Variants in LMBR1L observed in about 807,000 individuals in gnomAD.
LMBR1L encodes the protein limb development membrane protein 1 like, also known as protein LMBR1L.
A neutral mutation model predicts 67.3 loss-of-function variants in LMBR1L; 47 were observed. That is an observed-to-expected ratio of 0.70 (90% CI 0.55 to 0.89). The LOEUF (loss-of-function observed/expected upper bound fraction) is 0.89. Ranked by LOEUF, LMBR1L falls within the 40% of genes least tolerant of loss-of-function variation. LMBR1L has a pLI of 0.00. For missense variants in LMBR1L, 533 were observed against 599.2 expected, an observed-to-expected ratio of 0.89 and a Z score of 1.15; for synonymous variants, 247 against 250.3, an observed-to-expected ratio of 0.99 and a Z score of 0.13.
At position 49,098,060 on chromosome 12, in the gene LMBR1L, C is replaced by T. The variant is rs1939629785; in HGVS notation, c.1286G>A (p.Trp429Ter). Reference sequence around the variant, plus strand: ...GAACACAATGTAGAAATTGCCCAGCCAGTTGAAGCGTCCAAAGTCACCCAG... The same window carrying T: ...GAACACAATGTAGAAATTGCCCAGCTAGTTGAAGCGTCCAAAGTCACCCAG... ...DLLGDFGRFN[W>*]LGNFYIVFLY... The change falls in exon 16 of 17, where the codon TGG becomes TAG. Residue 429 changes from tryptophan to a stop codon, truncating the protein, a stop_gained. Transcript: ENST00000267102. LOFTEE classifies it high-confidence loss of function. The T allele has an allele frequency of 2.5e-6, 4 of 1,614,134 alleles. No individual in the cohort carries two copies. Among genetic ancestry groups the T allele is most frequent in the Non-Finnish European group, 2.5e-6 (3 of 1,180,002 alleles).
At position 49,097,934 on chromosome 12, in the gene LMBR1L, T is replaced by G; in HGVS notation, c.1402+10A>C. The stretch of plus-strand genomic sequence containing the variant: ...ACCCCCCACTAGCCTGCACCCTCAC[T>G]CCCTCTCACCAAAGGCCCGGATCAG... On this transcript the variant is annotated intron_variant, in intron 16 of 16. Coordinates refer to ENST00000267102, the MANE Select transcript of LMBR1L (RefSeq NM_018113.4). 1 of 1,607,358 alleles carries G rather than the reference T, an allele frequency of 6.2e-7. No individual in the cohort carries two copies. Among genetic ancestry groups the G allele is most frequent in the Non-Finnish European group, 8.5e-7 (1 of 1,174,704 alleles).
At chr12:49,105,077 C>T (rs1205291552) in intron 3 of LMBR1L, 192 bp from the exon 4 acceptor site, 2 of 606,684 alleles carry the variant, frequency 3.3e-6, no homozygotes, top group East Asian at 5.7e-5. Flanking sequence ...TCCAGGGAAG[C>T]CCCAGCTCAT....
chr12:49,097,899 G>C, intron 16 of LMBR1L, 45 bp downstream of exon 16: 1 of 1,597,084 alleles, frequency 6.3e-7, no homozygotes, highest in Non-Finnish European at 8.6e-7. Flanking sequence ...GAGTGTCCTA[G>C]ATGATTACCA....
chr12:49,102,965 A>G lies in LMBR1L; in HGVS notation c.632-14T>C. The stretch of plus-strand genomic sequence containing the variant: ...GTGGAGTACACACTGTAGGGACAAG[A>G]GCCAGTCACTTGCCAGACCCTGCTC... On this transcript the variant is annotated splice_polypyrimidine_tract_variant and intron_variant, in intron 7 of 16. Transcript: ENST00000267102. The G allele has an allele frequency of 6.2e-7, 1 of 1,613,858 alleles. No homozygotes were observed. Among genetic ancestry groups the G allele is most frequent in the Non-Finnish European group, 8.5e-7 (1 of 1,179,796 alleles).
At position 49,104,225 on chromosome 12, in the gene LMBR1L, C is replaced by G. The variant is rs185736747; in HGVS notation, c.435+223G>C. 28 of 564,418 alleles carry G rather than the reference C, an allele frequency of 5.0e-5. No individual in the cohort carries two copies. In the East Asian group the frequency reaches 8.1e-4, roughly 16 times the overall value. 35.0% of individuals were successfully genotyped at this position (564,418 alleles called of 1,614,324 possible). A position where few individuals can be genotyped will look rare whatever the true frequency, so the allele number is the denominator to read the frequency against. ...ATGACACTAAGACAACAGCTCCTCTCTGGGCAGCTTCACATCCCTGGCTTC... is the reference window on the plus strand; with the variant it reads ...ATGACACTAAGACAACAGCTCCTCTGTGGGCAGCTTCACATCCCTGGCTTC... On this transcript the variant is annotated intron_variant, in intron 5 of 16. Transcript: ENST00000267102.
intron 2 of LMBR1L, 124 bp downstream of exon 2, chr12:49,106,837 G>A (rs1202971373): frequency 4.3e-6 from 4 of 925,614 alleles, no homozygotes; most frequent in East Asian, 2.4e-5. Context: ...GGCTGAAGAG[G>A]CAAAGGCTCC....
chr12:49,097,418 G>A lies in LMBR1L; in HGVS notation c.*254C>T. Reference sequence around the variant, plus strand: ...AGTGAGGCAGATTGATGTGTAAACAGATTTGGGATCAGGGGCTAGACCCAG... The same window carrying A: ...AGTGAGGCAGATTGATGTGTAAACAAATTTGGGATCAGGGGCTAGACCCAG... On this transcript the variant is annotated 3_prime_UTR_variant, in exon 17 of 17. Coordinates refer to ENST00000267102, the MANE Select transcript of LMBR1L (RefSeq NM_018113.4). 1 of 533,730 alleles carries A rather than the reference G, an allele frequency of 1.9e-6. No individual in the cohort carries two copies. The highest frequency in any genetic ancestry group is 3.1e-5 in the Admixed American group (1 of 32,264). 33.1% of individuals were successfully genotyped at this position (533,730 alleles called of 1,614,324 possible). A position where few individuals can be genotyped will look rare whatever the true frequency, so the allele number is the denominator to read the frequency against.
chr12:49,103,209 T>C (rs1592211952), intron 6 of LMBR1L, 50 bp from the exon 7 acceptor site: 1 of 1,516,232 alleles, frequency 6.6e-7, no homozygotes, highest in Non-Finnish European at 9.1e-7. Context: ...TTACTTACTG[T>C]CCCCAGGCTG....
chr12:49,106,808 C>A (rs1008073875), intron 2 of LMBR1L, 153 bp downstream of exon 2: 2 of 846,276 alleles, frequency 2.4e-6, no homozygotes, highest in Middle Eastern at 4.3e-4. Flanking sequence ...CGCCCTTGCC[C>A]CTATCTTGCA....
chr12:49,104,454 G>A lies in LMBR1L; in HGVS notation c.429C>T (p.Ser143=). 6.2e-7 allele frequency: 1 copy of A among 1,607,298 alleles called. No individual in the cohort carries two copies. Among genetic ancestry groups the A allele is most frequent in the African/African-American group, 1.3e-5 (1 of 74,834 alleles). ...FFTESEGFAG[S]RKGVLGRVYE... is the part of the protein sequence containing the mutation. ...ATACATATCCCCTACTTACCTTTCT[G>A]GAGCCAGCAAAGCCCTCAGACTCAG... Residue 143 remains serine, a synonymous_variant, in exon 5 of 17, where the codon TCC becomes TCT. Transcript: ENST00000267102.
rs1940503691 is a variant in LMBR1L, at chr12:49,103,626, A to G, written c.562+61T>C. On this transcript the variant is annotated intron_variant, in intron 6 of 16. Coordinates refer to ENST00000267102, the MANE Select transcript of LMBR1L (RefSeq NM_018113.4). Reference sequence around the variant, plus strand: ...CACTTTAGAAGGTTACAGTCATTCCAGGCAGGGGGACATGGGCCAACTGAA... The same window carrying G: ...CACTTTAGAAGGTTACAGTCATTCCGGGCAGGGGGACATGGGCCAACTGAA... The G allele has an allele frequency of 1.7e-5, 26 of 1,551,652 alleles. No homozygotes were observed. In the South Asian group the frequency reaches 3.1e-4, roughly 18 times the overall value.
rs1018095827 is a variant in LMBR1L at position 49,100,295 on chromosome 12, G to A, written c.1240+93C>T. 1.8e-5 allele frequency: 18 copies of A among 976,980 alleles called. No homozygotes were observed. The East Asian group carries it at 4.3e-4, about 23-fold the overall frequency. The allele number at this position is 976,980 out of a possible 1,614,324, so 60.5% of individuals were successfully genotyped here. A position where few individuals can be genotyped will look rare whatever the true frequency, so the allele number is the denominator to read the frequency against. On this transcript the variant is annotated intron_variant, in intron 15 of 16. Coordinates refer to ENST00000267102, the MANE Select transcript of LMBR1L (RefSeq NM_018113.4). ...ATACCTACTCATGGGTTTGTTGTGG[G>A]AATTAGAGAAATTATGTATATAAAG...
At chr12:49,110,447 C>T (rs760381091) in intron 1 of LMBR1L, 37 bp downstream of exon 1, 1 of 1,602,554 alleles carries the variant, frequency 6.2e-7, no homozygotes, top group Admixed American at 1.7e-5. Context: ...CCGTCTCCCG[C>T]AACCCCCGCT....
Position 49,106,533 on chromosome 12 carries a change from G to A in LMBR1L, c.157+428C>T, listed in dbSNP as rs550131825. On this transcript the variant is annotated intron_variant, in intron 2 of 16. Transcript: ENST00000267102. ...TACTCAGGCTCCCCATAAAGAGAAA[G>A]GCCACCATCACCAGGTTCCCCAGTC... The A allele has an allele frequency of 2.8e-5, 36 of 1,294,976 alleles. No individual in the cohort carries two copies. In the South Asian group the frequency reaches 3.2e-4, roughly 12 times the overall value. The allele number at this position is 1,294,976 out of a possible 1,614,324, so 80.2% of individuals were successfully genotyped here.
chr12:49,097,708 A>G lies in LMBR1L; in HGVS notation c.1434T>C (p.Gly478=). ...GGGTCTTCCTAGATGCCTGGGGGAAACCGGAGACGGGCAGCGGCAGTCTGT... is the reference window on the plus strand; with the variant it reads ...GGGTCTTCCTAGATGCCTGGGGGAAGCCGGAGACGGGCAGCGGCAGTCTGT... ...GLDRLPLPVS[G]FPQASRKTQH... is the part of the protein sequence containing the mutation. The change falls in exon 17 of 17, where the codon GGT becomes GGC. Residue 478 remains glycine, a synonymous_variant. Transcript: ENST00000267102. 1 of 1,613,878 alleles carries G rather than the reference A, an allele frequency of 6.2e-7. No individual in the cohort carries two copies. The highest frequency in any genetic ancestry group is 8.5e-7 in the Non-Finnish European group (1 of 1,179,990).
At chr12:49,099,562 A>G (rs1304774067) in intron 15 of LMBR1L, among the ~76,000 whole-genome samples, 1 of 151,748 alleles carries the variant, frequency 6.6e-6, no homozygotes, top group Non-Finnish European at 1.5e-5. Flanking sequence ...CCTTGGGGTG[A>G]ACTAGTTACA....
At chr12:49,104,639 G>A in intron 4 of LMBR1L, 88 bp from the exon 5 acceptor site, 1 of 1,568,170 alleles carries the variant, frequency 6.4e-7, no homozygotes, top group Non-Finnish European at 8.8e-7. Context: ...AGCAGAGTGG[G>A]AAGGTGCGAC....
chr12:49,102,636 G>C, intron 8 of LMBR1L, 96 bp from the exon 9 acceptor site: 6 of 1,300,278 alleles, frequency 4.6e-6, no homozygotes, highest in Non-Finnish European at 6.5e-6. Context: ...CGTAGTCCCA[G>C]GCTTCCCCCA....
chr12:49,107,311 T>C (rs111974622), intron 1 of LMBR1L, among the ~76,000 whole-genome samples: 3 of 152,344 alleles, frequency 2.0e-5, no homozygotes, highest in African/African-American at 7.2e-5. Context: ...AGGACTTCAT[T>C]GGGAGAAAAT....
Sources: allele counts gnomAD v4.1 joint callset (sites outside exome capture counted in the v4.1 genomes callset), GRCh38; gene constraint gnomAD v4.1.1; transcripts MANE v1.5; gene names NCBI Gene and HGNC (gene_info 2026-07-23, HGNC 2026-07-21).